R3HDM1: variants seen among roughly 807,000 people sequenced by gnomAD.
R3HDM1 encodes the protein R3H domain-containing protein 1.
In R3HDM1, 46 loss-of-function variants were observed where a neutral mutation model predicts 141.1. The ratio of observed to expected loss-of-function variants is 0.33; its 90% CI spans 0.26 to 0.42. R3HDM1 has a LOEUF of 0.42. Ranked by LOEUF, R3HDM1 falls within the 10% of genes least tolerant of loss-of-function variation. The probability of loss-of-function intolerance (pLI) is 1.00; values close to 1 mark genes in which losing one functional copy is unlikely to be tolerated. For synonymous variants in R3HDM1, 435 were observed against 472.9 expected, an observed-to-expected ratio of 0.92 and a Z score of 1.04; for missense variants, 1,184 against 1,368.3, an observed-to-expected ratio of 0.87 and a Z score of 2.12.
rs1175615725 is a variant in R3HDM1, at chr2:135,621,501, T to C, written c.311T>C (p.Ile104Thr). 6.4e-7 allele frequency: 1 copy of C among 1,564,560 alleles called. No homozygotes were observed. Among genetic ancestry groups the C allele is most frequent in the Admixed American group, 2.0e-5 (1 of 51,164 alleles). Residue 104 changes from isoleucine (I) to threonine (T), a missense_variant, in exon 6 of 27, where the codon ATT becomes ACT. By Grantham distance (89) the Ile-to-Thr change is moderately conservative. Coordinates refer to ENST00000683871, the MANE Select transcript of R3HDM1 (RefSeq NM_001378107.1). ...PEISQENQEKIQIQLTQSFEK... is the reference protein window; with the variant it reads ...PEISQENQEKTQIQLTQSFEK... ...GACTTTGCCTTCCAACAGGAGAAAA[T>C]TCAGATCCAGTTAACACAATCATTT...
At chr2:135,540,098 A>G (rs1697137130) in intron 1 of R3HDM1, among the ~76,000 whole-genome samples, 1 of 152,260 alleles carries the variant, frequency 6.6e-6, no homozygotes, top group African/African-American at 2.4e-5. Context: ...CTATTTCAAC[A>G]ATGCTAACAG....
At chr2:135,582,435 A>G (rs889106260) in intron 1 of R3HDM1, among the ~76,000 whole-genome samples, 2 of 152,332 alleles carry the variant, frequency 1.3e-5, no homozygotes, top group African/African-American at 4.8e-5. Context: ...GGTTATTACA[A>G]TTTTATGTTC....
chr2:135,587,656 A>G (rs1708243652), intron 1 of R3HDM1, among the ~76,000 whole-genome samples: 1 of 152,172 alleles, frequency 6.6e-6, no homozygotes, highest in East Asian at 1.9e-4. Flanking sequence ...GAGAACTATA[A>G]AAGAAAAAAT....
rs549954956 is a variant in R3HDM1 at position 135,691,206 on chromosome 2, A to T, written c.2459+10882A>T. Among the ~76,000 whole-genome samples, 6 of 152,360 alleles carry T rather than the reference A, an allele frequency of 3.9e-5. No homozygotes were observed. The East Asian group carries it at 9.6e-4, about 24-fold the overall frequency. On this transcript the variant is annotated intron_variant, in intron 21 of 26. Transcript: ENST00000683871. ...AGCACCCAGAAATAATCACTGATAA[A>T]TTTTGATGTACCTCACCAAAGTCAT...
chr2:135,593,258 A>G (rs868536258), intron 1 of R3HDM1, among the ~76,000 whole-genome samples: 102 of 152,090 alleles, frequency 6.7e-4, no homozygotes, highest in African/African-American at 2.0e-3. Context: ...CCTCATGCCA[A>G]TCAGATCATA....
intron 6 of R3HDM1, chr2:135,621,984 T>C (rs965972863): frequency 4.1e-5 from 40 of 983,712 alleles, no homozygotes; most frequent in Non-Finnish European, 4.7e-5. Flanking sequence ...AAGAATATTC[T>C]TGGAAACAGA....
Position 135,667,068 on chromosome 2 carries a change from T to G in R3HDM1, c.2152+5675T>G, listed in dbSNP as rs865775027. The G allele has an allele frequency of 6.4e-5, 57 of 885,874 alleles. 1 individual carries two copies. The South Asian group carries it at 2.4e-3, about 37-fold the overall frequency. 54.9% of individuals were successfully genotyped at this position (885,874 alleles called of 1,614,324 possible). The stretch of plus-strand genomic sequence containing the variant: ...TCTTTAATACTTTTTGTAATTTTTC[T>G]GATTATTTCTGTGTTATTAAGAATG... On this transcript the variant is annotated intron_variant, in intron 19 of 26. Transcript: ENST00000683871.
intron 7 of R3HDM1, among the ~76,000 whole-genome samples, chr2:135,626,181 TTGCGTGCGTGCGTGCG>T (rs1161583452): frequency 7.4e-6 from 1 of 135,820 alleles, no homozygotes; most frequent in Non-Finnish European, 1.6e-5. Flanking sequence ...AACTGCTTGC[TTGCGTGCGTGCGTGCG>T]TGCGTGCGTG....
In R3HDM1 at chr2:135,652,001, A is replaced by T. The variant is rs1371752623; in HGVS notation, c.1997A>T (p.Gln666Leu). 3 of 1,606,620 alleles carry T rather than the reference A, an allele frequency of 1.9e-6. No individual in the cohort carries two copies. The highest frequency in any genetic ancestry group is 1.7e-5 in the Admixed American group (1 of 59,776). Reference sequence around the variant, plus strand: ...CCTGTCAGCCAGCCTGTGCTCCAGCAGCAGGGATATATTCAGCAGCCATCA... The same window carrying T: ...CCTGTCAGCCAGCCTGTGCTCCAGCTGCAGGGATATATTCAGCAGCCATCA... ...GHPVSQPVLQ[Q>L]QGYIQQPSPQ... The change falls in exon 18 of 27, where the codon CAG becomes CTG. Residue 666 changes from glutamine to leucine, a missense_variant. By Grantham distance (113) the Gln-to-Leu change is moderately radical. Transcript: ENST00000683871.
chr2:135,645,322 G>A, intron 15 of R3HDM1, 57 bp from the exon 16 acceptor site: 1 of 1,407,594 alleles, frequency 7.1e-7, no homozygotes, highest in Admixed American at 2.0e-5. Flanking sequence ...TTAGTAAAAG[G>A]ACCTATTTTC....
At chr2:135,589,017 G>C (rs2105055519) in intron 1 of R3HDM1, among the ~76,000 whole-genome samples, 1 of 152,140 alleles carries the variant, frequency 6.6e-6, no homozygotes, top group South Asian at 2.1e-4. Flanking sequence ...TTTGTATTTT[G>C]TATCTGAGTA....
intron 1 of R3HDM1, among the ~76,000 whole-genome samples, chr2:135,554,474 T>A (rs1304595007): frequency 5.3e-5 from 8 of 152,264 alleles, no homozygotes; most frequent in Non-Finnish European, 1.0e-4. Flanking sequence ...TAAACATTCT[T>A]GGACAAGTTT....
Position 135,661,383 on chromosome 2 carries a change from G to T in R3HDM1, c.2142G>T (p.Ala714=), listed in dbSNP as rs139125340. 1.9e-6 allele frequency: 3 copies of T among 1,613,870 alleles called. No homozygotes were observed. Among genetic ancestry groups the T allele is most frequent in the Non-Finnish European group, 2.5e-6 (3 of 1,179,860 alleles). ...SHLNQPLPQP[A]QQTGYQVIPN... is the part of the protein sequence containing the mutation. ...TAAACCAACCACTGCCACAACCTGC[G>T]CAGCAGACAGGTGAGTTGTGTTTCT... Residue 714 remains alanine (A), a synonymous_variant, in exon 19 of 27, where the codon GCG becomes GCT. Transcript: ENST00000683871.
Position 135,536,760 on chromosome 2 carries a change from AG to A in R3HDM1, c.-250+5128del, listed in dbSNP as rs1383475412. ...AAGGCAGAGGTCCCCAACCCTTAGG[AG>A]CTGGGCCACACAGCAGGAGGTGTGC... On this transcript the variant is annotated intron_variant, in intron 1 of 26. Transcript: ENST00000683871. 7 of 967,736 alleles carry A rather than the reference AG, an allele frequency of 7.2e-6. No homozygotes were observed. In the East Asian group the frequency reaches 8.0e-4, roughly 111 times the overall value. 59.9% of individuals were successfully genotyped at this position (967,736 alleles called of 1,614,324 possible).
rs184741759 is a variant in R3HDM1 at position 135,579,996 on chromosome 2, G to A, written c.-249-22504G>A. On this transcript the variant is annotated intron_variant, in intron 1 of 26. Transcript: ENST00000683871. The stretch of plus-strand genomic sequence containing the variant: ...GGGGCCGGGCATAGTGGCTTGTGCA[G>A]CACTGTAATCCCAGAACTTTGAGAG... Among the ~76,000 whole-genome samples, 846 of 152,130 alleles carry A rather than the reference G, an allele frequency of 5.6e-3. 7 individuals are homozygous for A. The highest frequency in any genetic ancestry group is 0.019 in the African/African-American group (789 of 41,502).
chr2:135,659,581 G>A lies in R3HDM1; in HGVS notation c.2029-1689G>A, dbSNP rs1040581943. Among the ~76,000 whole-genome samples the A allele has an allele frequency of 3.9e-5, 6 of 152,026 alleles. No individual in the cohort carries two copies. In the Middle Eastern group the frequency reaches 0.014, roughly 345 times the overall value. ...CCCCTGAGTATACAGGACTACAGGC[G>A]TGTGCACCTCCACACCTAGCTAATT... On this transcript the variant is annotated intron_variant, in intron 18 of 26. Transcript: ENST00000683871.
intron 24 of R3HDM1, among the ~76,000 whole-genome samples, chr2:135,716,546 T>G (rs1485040173): frequency 2.6e-5 from 4 of 152,148 alleles, no homozygotes; most frequent in Non-Finnish European, 5.9e-5. Context: ...GAGTTTATCC[T>G]ATAGCAAAAA....
At chr2:135,623,129 C>A in intron 7 of R3HDM1, 2 of 805,268 alleles carry the variant, frequency 2.5e-6, no homozygotes, top group Non-Finnish European at 3.0e-6. Flanking sequence ...TTCCTTCTTG[C>A]TGAGTTTATA....
rs138790655 is a variant in R3HDM1 at position 135,569,251 on chromosome 2, G to A, written c.-249-33249G>A. 1.6e-3 allele frequency among the ~76,000 whole-genome samples: 250 copies of A among 152,158 alleles called. 4 individuals carry two copies. Among genetic ancestry groups the A allele is most frequent in the African/African-American group, 5.5e-3 (229 of 41,530 alleles). ...TGTAATCCCAGCACTTTGGGAGGCC[G>A]AGGCGGGTGGATCACAAGGTCAGGA... On this transcript the variant is annotated intron_variant, in intron 1 of 26. Coordinates refer to ENST00000683871, the MANE Select transcript of R3HDM1 (RefSeq NM_001378107.1).
Sources: allele counts gnomAD v4.1 joint callset (sites outside exome capture counted in the v4.1 genomes callset), GRCh38; gene constraint gnomAD v4.1.1; transcripts MANE v1.5; gene names NCBI Gene and HGNC (gene_info 2026-07-23, HGNC 2026-07-21).